Variants in MAP4K5 observed in about 807,000 individuals in gnomAD.
The protein encoded by MAP4K5 is MAPK/ERK kinase kinase kinase 5.
MAP4K5 carries 82 observed loss-of-function variants against 135.6 expected under a neutral mutation model. That is an observed-to-expected ratio of 0.60 (90% CI 0.51 to 0.73). The LOEUF (loss-of-function observed/expected upper bound fraction) is 0.73. Among genes scored for constraint, MAP4K5 ranks in the 30% least tolerant of loss-of-function variants. MAP4K5 has a pLI of 0.00. For missense variants in MAP4K5, 907 were observed against 1,010.9 expected (o/e 0.90, Z 1.39); for synonymous variants, 347 against 335.0 (o/e 1.04, Z -0.39).
chr14:50,447,138 T>C (rs910436332), intron 16 of MAP4K5, among the ~76,000 whole-genome samples: 2 of 152,224 alleles, frequency 1.3e-5, no homozygotes, highest in African/African-American at 4.8e-5. Context: ...ACTGGGGCTT[T>C]TTAACTCTGT....
intron 11 of MAP4K5, among the ~76,000 whole-genome samples, chr14:50,466,164 G>A (rs1034152158): frequency 7.9e-5 from 12 of 151,876 alleles, no homozygotes; most frequent in East Asian, 1.9e-4. Context: ...ATCCCTTGAG[G>A]CCAGGAGTTT....
In MAP4K5 at chr14:50,421,425, AT is replaced by A. The variant is rs544459362; in HGVS notation, c.2454-1320del. 5.1e-3 allele frequency among the ~76,000 whole-genome samples: 764 copies of A among 150,942 alleles called. 10 individuals are homozygous for A. The highest frequency in any genetic ancestry group is 0.018 in the African/African-American group (730 of 41,120). ...AGGCATGCACCATCAAGCCCAGCTT[AT>A]TTTTTTTGTATTTTTAGCAGGGACA... On this transcript the variant is annotated intron_variant, in intron 32 of 32. Coordinates refer to ENST00000682126, the MANE Select transcript of MAP4K5 (RefSeq NM_006575.6).
chr14:50,441,061 A>G (rs1017746320), intron 21 of MAP4K5, among the ~76,000 whole-genome samples: 6 of 152,226 alleles, frequency 3.9e-5, no homozygotes, highest in African/African-American at 1.4e-4. Context: ...AATAATAGAG[A>G]TAGATCATAT....
chr14:50,512,009 T>C (rs2037939872), intron 2 of MAP4K5, among the ~76,000 whole-genome samples: 1 of 152,096 alleles, frequency 6.6e-6, no homozygotes, highest in Non-Finnish European at 1.5e-5. Flanking sequence ...CATAGAACTA[T>C]ACAACACAAA....
rs183085755 is a variant in MAP4K5 at position 50,437,841 on chromosome 14, T to C, written c.1823+53A>G. 3.5e-4 allele frequency: 403 copies of C among 1,164,014 alleles called. 2 individuals carry two copies. The highest frequency in any genetic ancestry group is 3.1e-5 in the Non-Finnish European group (24 of 784,900). 72.1% of individuals were successfully genotyped at this position (1,164,014 alleles called of 1,614,324 possible). On this transcript the variant is annotated intron_variant, in intron 25 of 32. Coordinates refer to ENST00000682126, the MANE Select transcript of MAP4K5 (RefSeq NM_006575.6). ...CTGGGCAAGAAATACGGGCTATTTT[T>C]AAAATAAACACTAATTCCCCTCATT...
At chr14:50,473,004 A>G (rs1242116188) in intron 9 of MAP4K5, among the ~76,000 whole-genome samples, 1 of 152,166 alleles carries the variant, frequency 6.6e-6, no homozygotes, top group Non-Finnish European at 1.5e-5. Flanking sequence ...CTTATTTTCC[A>G]TGAAAATATT....
chr14:50,509,323 A>T (rs2037881639), intron 2 of MAP4K5, among the ~76,000 whole-genome samples: 1 of 152,152 alleles, frequency 6.6e-6, no homozygotes, highest in African/African-American at 2.4e-5. Flanking sequence ...AGAATTCGAG[A>T]ATTCTCTTTT....
At chr14:50,504,602 A>C (rs1413750178) in intron 3 of MAP4K5, among the ~76,000 whole-genome samples, 198 bp downstream of exon 3, 1 of 152,126 alleles carries the variant, frequency 6.6e-6, no homozygotes, top group Admixed American at 6.5e-5. Flanking sequence ...CCAATTCTGA[A>C]TGTGTACATG....
At chr14:50,535,313 G>A (rs1239673849), upstream of MAP4K5, among the ~76,000 whole-genome samples, 1 of 152,170 alleles carries the variant, frequency 6.6e-6, no homozygotes, top group African/African-American at 2.4e-5. Context: ...ATAAAGCTAA[G>A]GTTCACAATT....
chr14:50,542,006 CAAAAAAAAAAAAAA>C (rs59075218), intron 2 of MAP4K5, among the ~76,000 whole-genome samples: 1 of 62,460 alleles, frequency 1.6e-5, no homozygotes, highest in Non-Finnish European at 2.7e-5. Context: ...GATTCCGTCT[CAAAAAAAAAAAAAA>C]AAAAAAAAAA....
rs2036315771 is a variant in MAP4K5, at chr14:50,445,145, G to A, written c.1235C>T (p.Ala412Val). 6.2e-7 allele frequency: 1 copy of A among 1,613,538 alleles called. No individual in the cohort carries two copies. Among genetic ancestry groups the A allele is most frequent in the Non-Finnish European group, 8.5e-7 (1 of 1,179,670 alleles). Residue 412 changes from alanine to valine, a missense_variant, in exon 18 of 33, where the codon GCA becomes GTA. Transcript: ENST00000682126. Reference protein sequence around the residue: ...PEDNFPDEEKASTIKHCPDSE... With the variant: ...PEDNFPDEEKVSTIKHCPDSE... ...ATCAGGACAATGTTTTATGGTTGATGCTTTTTCTTCATCCGGAAAGTTGTC... is the reference window on the plus strand; with the variant it reads ...ATCAGGACAATGTTTTATGGTTGATACTTTTTCTTCATCCGGAAAGTTGTC...
At chr14:50,556,962 A>G (rs2038772445) in intron 1 of MAP4K5, among the ~76,000 whole-genome samples, 1 of 152,194 alleles carries the variant, frequency 6.6e-6, no homozygotes, top group South Asian at 2.1e-4. Flanking sequence ...ATATTCCTGT[A>G]CAAGTTTTTT....
intron 12 of MAP4K5, among the ~76,000 whole-genome samples, 137 bp downstream of exon 12, chr14:50,463,891 CAAAAAAAAAAAAAAAAAAAAAAAA>C (rs56877870): frequency 1.4e-5 from 1 of 70,408 alleles, no homozygotes; most frequent in African/African-American, 6.0e-5. Context: ...ACCCTGTTTC[CAAAAAAAAAAAAAAAAAAAAAAAA>C]AAAAAAAAAA....
Position 50,509,293 on chromosome 14 carries a change from A to G in MAP4K5, c.109-4436T>C, listed in dbSNP as rs73288001. Among the ~76,000 whole-genome samples, 838 of 152,246 alleles carry G rather than the reference A, an allele frequency of 5.5e-3. 5 individuals are homozygous for G. The highest frequency in any genetic ancestry group is 0.019 in the African/African-American group (778 of 41,518). On this transcript the variant is annotated intron_variant, in intron 2 of 32. Coordinates refer to ENST00000682126, the MANE Select transcript of MAP4K5 (RefSeq NM_006575.6). Reference sequence around the variant, plus strand: ...AAATACCTAATGTATTCTGATGACAATATTTCACTGCCCCTTTTCAGAATT... The same window carrying G: ...AAATACCTAATGTATTCTGATGACAGTATTTCACTGCCCCTTTTCAGAATT...
intron 12 of MAP4K5, among the ~76,000 whole-genome samples, 161 bp downstream of exon 12, chr14:50,463,891 C>CAAAA (rs56877870): frequency 1.1e-4 from 8 of 70,396 alleles, no homozygotes; most frequent in African/African-American, 4.8e-4. Context: ...ACCCTGTTTC[C>CAAAA]AAAAAAAAAA....
rs114772429 is a variant in MAP4K5, at chr14:50,444,465, A to G, written c.1340-429T>C. 9.4e-3 allele frequency among the ~76,000 whole-genome samples: 1,429 copies of G among 152,226 alleles called. 18 individuals carry two copies. The highest frequency in any genetic ancestry group is 0.032 in the African/African-American group (1,329 of 41,540). ...CCAAGCCCTTTAACATCCTGCAAGA[A>G]GGACCAGGTACGGTCACTCATGCCT... On this transcript the variant is annotated intron_variant, in intron 18 of 32. Transcript: ENST00000682126.
intron 2 of MAP4K5, among the ~76,000 whole-genome samples, chr14:50,528,544 C>T (rs940066334): frequency 2.0e-5 from 3 of 151,578 alleles, no homozygotes; most frequent in African/African-American, 7.3e-5. Flanking sequence ...ACAGGAAGAC[C>T]CTGTCTTTAC....
At chr14:50,442,507 T>G (rs1372956424) in intron 21 of MAP4K5, among the ~76,000 whole-genome samples, 1 of 152,142 alleles carries the variant, frequency 6.6e-6, no homozygotes, top group African/African-American at 2.4e-5. Flanking sequence ...CAATCAGTTG[T>G]GATTTCTCTT....
At chr14:50,553,076 C>T (rs903517965) in intron 1 of MAP4K5, among the ~76,000 whole-genome samples, 3 of 152,012 alleles carry the variant, frequency 2.0e-5, no homozygotes, top group Non-Finnish European at 4.4e-5. Context: ...GGGTAGATTA[C>T]TTGAGGTCAG....
Sources: gnomAD v4.1 joint callset for allele counts (sites outside exome capture counted in the v4.1 genomes callset) on GRCh38, gnomAD v4.1.1 for gene constraint, MANE v1.5 for transcripts, NCBI Gene and HGNC (gene_info 2026-07-23, HGNC 2026-07-21) for gene names.